Variants in ACTN1 observed in about 807,000 individuals in gnomAD.
ACTN1 encodes alpha-actinin-1.
A neutral mutation model predicts 119.6 loss-of-function variants in ACTN1; 30 were observed. That is an observed-to-expected ratio of 0.25 (90% CI 0.19 to 0.34). The LOEUF (loss-of-function observed/expected upper bound fraction) is 0.34, where lower values mean the gene tolerates loss of function less well. ACTN1 is among the 10% of genes least tolerant of loss of function. ACTN1 has a pLI of 1.00. For missense variants in ACTN1, 764 were observed against 1,223.4 expected (o/e 0.62, Z 5.60); for synonymous variants, 429 against 472.6 (o/e 0.91, Z 1.20).
chr14:68,963,500 A>C (rs2036605613), intron 1 of ACTN1, among the ~76,000 whole-genome samples: 1 of 152,226 alleles, frequency 6.6e-6, no homozygotes, highest in African/African-American at 2.4e-5. Flanking sequence ...TGAGTAGATG[A>C]ACTAGGGCTG....
chr14:68,919,059 T>C (rs1228363192), intron 3 of ACTN1, among the ~76,000 whole-genome samples: 1 of 152,230 alleles, frequency 6.6e-6, no homozygotes, highest in East Asian at 1.9e-4. Context: ...TGAGTGCTAT[T>C]CTCTTCCACC....
In ACTN1 at chr14:68,879,113, G is replaced by A; in HGVS notation, c.2281-44C>T. On this transcript the variant is annotated intron_variant, in intron 18 of 21. Coordinates refer to ENST00000394419, the MANE Select transcript of ACTN1 (RefSeq NM_001130004.2). This position sits in a 1 kb window ranked among gnomAD's most constrained non-coding sequence, Gnocchi z 4.9. ...AGGCAGCGAGCCATGCGGTGTCAGG[G>A]AGGTGGAGCCGTGAGGGGGGCATGC... The A allele has an allele frequency of 6.4e-7, 1 of 1,566,432 alleles. No individual in the cohort carries two copies. The highest frequency in any genetic ancestry group is 8.7e-7 in the Non-Finnish European group (1 of 1,155,968).
In ACTN1 at chr14:68,941,873, C is replaced by G. The variant is rs532201562; in HGVS notation, c.106-16201G>C. 2.6e-5 allele frequency among the ~76,000 whole-genome samples: 4 copies of G among 152,298 alleles called. No homozygotes were observed. In the South Asian group the frequency reaches 8.3e-4, roughly 32 times the overall value. ...TCCAGCAGGCACTGCACCCCAACCTCTCTGACTCAGTCAAAACTTGATCAA... is the reference window on the plus strand; with the variant it reads ...TCCAGCAGGCACTGCACCCCAACCTGTCTGACTCAGTCAAAACTTGATCAA... On this transcript the variant is annotated intron_variant, in intron 1 of 21. Coordinates refer to ENST00000394419, the MANE Select transcript of ACTN1 (RefSeq NM_001130004.2).
At chr14:68,888,765 C>T (rs2032235536) in intron 11 of ACTN1, among the ~76,000 whole-genome samples, 1 of 152,148 alleles carries the variant, frequency 6.6e-6, no homozygotes, top group Non-Finnish European at 1.5e-5. Flanking sequence ...CTATTGTGAA[C>T]TGCGCATGCG....
At chr14:68,973,487 C>G (rs2036961056) in intron 1 of ACTN1, among the ~76,000 whole-genome samples, 1 of 152,194 alleles carries the variant, frequency 6.6e-6, no homozygotes, top group Non-Finnish European at 1.5e-5. Flanking sequence ...GCTTCCCCTT[C>G]CGCCATGATT....
intron 1 of ACTN1, among the ~76,000 whole-genome samples, chr14:68,945,258 G>A (rs2035906464): frequency 6.7e-6 from 1 of 149,886 alleles, no homozygotes; most frequent in African/African-American, 2.5e-5. Context: ...AGTAAGGTCT[G>A]TTCAAAAAAC....
At chr14:68,920,979 C>CT in intron 3 of ACTN1, 27 bp downstream of exon 3, 1 of 1,612,694 alleles carries the variant, frequency 6.2e-7, no homozygotes, top group East Asian at 2.2e-5. Context: ...AATCAGGCTC[C>CT]TTGGGGCCAC....
intron 2 of ACTN1, among the ~76,000 whole-genome samples, chr14:68,921,871 C>G (rs1246773387): frequency 2.0e-5 from 3 of 152,270 alleles, no homozygotes; most frequent in East Asian, 3.9e-4. Flanking sequence ...CCTCCACCCC[C>G]ACCTCCAGAT....
intron 1 of ACTN1, among the ~76,000 whole-genome samples, chr14:68,967,379 T>C (rs1056858593): frequency 2.0e-5 from 3 of 152,206 alleles, no homozygotes; most frequent in African/African-American, 7.2e-5. Context: ...GAATACCTAG[T>C]ATGTGCAAGC....
chr14:68,956,454 C>G (rs1043005654), intron 1 of ACTN1, among the ~76,000 whole-genome samples: 3 of 152,138 alleles, frequency 2.0e-5, no homozygotes, highest in Non-Finnish European at 4.4e-5. Context: ...TTAAGTAGGG[C>G]GCTTGCTGGA....
At chr14:68,905,095 G>A (rs1192030521) in intron 6 of ACTN1, among the ~76,000 whole-genome samples, 1 of 152,194 alleles carries the variant, frequency 6.6e-6, no homozygotes, top group Non-Finnish European at 1.5e-5. Context: ...CCCTCAACCA[G>A]TGGGACTCGT....
chr14:68,971,076 A>C (rs1394963831), intron 1 of ACTN1, among the ~76,000 whole-genome samples: 1 of 152,254 alleles, frequency 6.6e-6, no homozygotes, highest in Non-Finnish European at 1.5e-5. Context: ...CTCCCAATTC[A>C]AACATAAACT....
intron 8 of ACTN1, among the ~76,000 whole-genome samples, chr14:68,894,891 C>A (rs2032761979): frequency 6.6e-6 from 1 of 152,280 alleles, no homozygotes; most frequent in South Asian, 2.1e-4. Context: ...TAAGGAAGAG[C>A]TTCCTGAGAA....
In ACTN1 at chr14:68,882,833, A is replaced by G; in HGVS notation, c.1818+40T>C. On this transcript the variant is annotated intron_variant, in intron 15 of 21. Transcript: ENST00000394419. The surrounding 1 kb of genome is among the most constrained non-coding windows in gnomAD (Gnocchi z 4.5). ...AAAATGGACAAAAATCCCTGCCTTT[A>G]TGAAACTTACAATGGCTCGGCCCAT... 6.3e-7 allele frequency: 1 copy of G among 1,594,086 alleles called. No individual in the cohort carries two copies. Among genetic ancestry groups the G allele is most frequent in the Non-Finnish European group, 8.6e-7 (1 of 1,166,096 alleles).
At chr14:68,887,984 G>A (rs140998374) in intron 11 of ACTN1, 22,655 of 768,834 alleles carry the variant, frequency 0.029, 689 homozygotes, top group South Asian at 0.06. Flanking sequence ...TTTCGGCTTC[G>A]CTTCCACTTT....
chr14:68,977,633 TGA>T (rs1407398536), intron 1 of ACTN1: 1 of 273,446 alleles, frequency 3.7e-6, no homozygotes, highest in African/African-American at 2.3e-5. Context: ...GATTCCTGAG[TGA>T]GCTAATACAG....
Position 68,885,863 on chromosome 14 carries a change from C to G in ACTN1, c.1235-288G>C, listed in dbSNP as rs922370803. The G allele has an allele frequency of 9.1e-6, 3 of 327,958 alleles. No individual in the cohort carries two copies. The highest frequency in any genetic ancestry group is 6.1e-5 in the African/African-American group (3 of 48,864). 20.3% of individuals were successfully genotyped at this position (327,958 alleles called of 1,614,324 possible). A position where few individuals can be genotyped will look rare whatever the true frequency, so the allele number is the denominator to read the frequency against. On this transcript the variant is annotated intron_variant, in intron 11 of 21. Coordinates refer to ENST00000394419, the MANE Select transcript of ACTN1 (RefSeq NM_001130004.2). The surrounding 1 kb of genome is among the most constrained non-coding windows in gnomAD (Gnocchi z 5.6). ...GGAATGCATAGGGCATGACGCTATA[C>G]ACACAGCGGGAAACACAGCCATCCA...
intron 8 of ACTN1, among the ~76,000 whole-genome samples, chr14:68,894,102 G>A (rs1355574980): frequency 6.6e-6 from 1 of 152,144 alleles, no homozygotes; most frequent in Non-Finnish European, 1.5e-5. Context: ...TGCCCATCCT[G>A]GAATTCCAAG....
chr14:68,956,237 A>G (rs1180158383), intron 1 of ACTN1, among the ~76,000 whole-genome samples: 1 of 152,112 alleles, frequency 6.6e-6, no homozygotes, highest in Admixed American at 6.5e-5. Flanking sequence ...AAGCAGAGGG[A>G]GGGGGATCGC....
Sources: gnomAD v4.1 joint callset for allele counts (sites outside exome capture counted in the v4.1 genomes callset) on GRCh38, gnomAD v4.1.1 for gene constraint, Gnocchi (gnomAD v3.1) non-coding constraint, MANE v1.5 for transcripts, NCBI Gene and HGNC (gene_info 2026-07-23, HGNC 2026-07-21) for gene names.